Variants in MAD1L1 observed in about 807,000 individuals in gnomAD.
MAD1L1 encodes the protein mitotic arrest deficient 1 like 1, also known as mitotic spindle assembly checkpoint protein MAD1.
Under a neutral mutation model 96.9 loss-of-function variants are expected in MAD1L1, and 95 were observed. The ratio of observed to expected loss-of-function variants is 0.98; its 90% CI spans 0.83 to 1.16. The LOEUF (loss-of-function observed/expected upper bound fraction) is 1.16. Ranked by LOEUF, MAD1L1 falls within the 50% of genes most tolerant of loss-of-function variation. MAD1L1 has a pLI of 0.00. For missense variants in MAD1L1, 1,007 were observed against 954.4 expected, an observed-to-expected ratio of 1.06 and a Z score of -0.73; for synonymous variants, 473 against 396.6, an observed-to-expected ratio of 1.19 and a Z score of -2.29.
chr7:2,172,701 C>T lies in MAD1L1; in HGVS notation c.987-23463G>A, dbSNP rs151153068. ...CCTGATGGGCCCTCGCACGGGTCTC[C>T]GTGGGACAGAGGTAAGGGATAGAGG... On this transcript the variant is annotated intron_variant, in intron 10 of 18. Coordinates refer to ENST00000265854, the MANE Select transcript of MAD1L1 (RefSeq NM_001013836.2). Among the ~76,000 whole-genome samples, 13 of 152,354 alleles carry T rather than the reference C, an allele frequency of 8.5e-5. No homozygotes were observed. The East Asian group carries it at 2.1e-3, about 25-fold the overall frequency.
intron 11 of MAD1L1, among the ~76,000 whole-genome samples, chr7:2,094,524 A>G (rs1245426383): frequency 6.6e-6 from 1 of 152,242 alleles, no homozygotes; most frequent in Non-Finnish European, 1.5e-5. Flanking sequence ...GATGTTTCAC[A>G]GGTGGGCAGG....
intron 14 of MAD1L1, 153 bp from the exon 15 acceptor site, chr7:1,980,694 GC>G: frequency 1.4e-6 from 1 of 717,756 alleles, no homozygotes; most frequent in Non-Finnish European, 2.6e-6. Flanking sequence ...GCCTGAAGCT[GC>G]CAGGCCAGAC....
At chr7:2,059,863 G>C (rs558025526) in intron 12 of MAD1L1, among the ~76,000 whole-genome samples, 1 of 152,238 alleles carries the variant, frequency 6.6e-6, no homozygotes, top group African/African-American at 2.4e-5. Context: ...ATACATAGAA[G>C]ATCAAAGTCC....
At chr7:1,906,392 G>GC (rs1224957984) in intron 17 of MAD1L1, among the ~76,000 whole-genome samples, 1 of 152,212 alleles carries the variant, frequency 6.6e-6, no homozygotes, top group Non-Finnish European at 1.5e-5. Flanking sequence ...CCTGCTGGGT[G>GC]CCCCGGCCTG....
intron 11 of MAD1L1, among the ~76,000 whole-genome samples, chr7:2,078,277 A>C (rs3778945): frequency 0.68 from 104,088 of 152,078 alleles, 35,785 homozygotes; most frequent in South Asian, 0.77. Flanking sequence ...CCCCACGTCA[A>C]CCCACTATCC....
intron 12 of MAD1L1, among the ~76,000 whole-genome samples, chr7:2,046,492 C>G (rs898484486): frequency 7.0e-6 from 1 of 141,890 alleles, no homozygotes; most frequent in Admixed American, 7.1e-5. Context: ...TCACTTAAAA[C>G]TTCTAGTCTA....
At chr7:2,063,743 C>T (rs886371705) in intron 12 of MAD1L1, among the ~76,000 whole-genome samples, 4 of 152,244 alleles carry the variant, frequency 2.6e-5, no homozygotes, top group Non-Finnish European at 4.4e-5. Flanking sequence ...CCCGTGGGCA[C>T]CACACCCGCC....
chr7:2,179,679 C>G (rs981656963), intron 10 of MAD1L1, among the ~76,000 whole-genome samples: 1 of 150,568 alleles, frequency 6.6e-6, no homozygotes, highest in African/African-American at 2.4e-5. Flanking sequence ...AATTAAAAGT[C>G]CTGTCTTAGG....
chr7:1,993,017 G>C (rs1781416444), intron 14 of MAD1L1, among the ~76,000 whole-genome samples: 1 of 152,214 alleles, frequency 6.6e-6, no homozygotes, highest in Non-Finnish European at 1.5e-5. Context: ...CCCCTATACA[G>C]AATTACTCCC....
At chr7:2,020,193 C>T (rs900583919) in intron 12 of MAD1L1, among the ~76,000 whole-genome samples, 7 of 152,120 alleles carry the variant, frequency 4.6e-5, no homozygotes, top group Non-Finnish European at 7.4e-5. Context: ...GCGCCCAGCC[C>T]GGGGAGGCAG....
At chr7:2,022,156 G>A (rs1782816008) in intron 12 of MAD1L1, among the ~76,000 whole-genome samples, 2 of 152,116 alleles carry the variant, frequency 1.3e-5, no homozygotes, top group African/African-American at 4.8e-5. Flanking sequence ...ATGGACGATT[G>A]TTTGAAGTAT....
intron 12 of MAD1L1, among the ~76,000 whole-genome samples, chr7:2,067,586 G>A (rs562466757): frequency 4.9e-4 from 65 of 133,012 alleles, no homozygotes; most frequent in African/African-American, 2.5e-3. Context: ...CTGAACCCCC[G>A]CAGTGGTCAG....
intron 18 of MAD1L1, among the ~76,000 whole-genome samples, chr7:1,842,598 G>A (rs1226714192): frequency 1.3e-5 from 2 of 152,272 alleles, no homozygotes; most frequent in African/African-American, 4.8e-5. Flanking sequence ...GAGCCCCGGC[G>A]AGGGACAGAC....
At chr7:2,199,273 G>A (rs1435639178) in intron 10 of MAD1L1, among the ~76,000 whole-genome samples, 2 of 152,242 alleles carry the variant, frequency 1.3e-5, no homozygotes, top group African/African-American at 4.8e-5. Context: ...TTAAATGTTG[G>A]CATATGGACT....
At chr7:2,042,051 A>G (rs551516691) in intron 12 of MAD1L1, among the ~76,000 whole-genome samples, 1 of 152,044 alleles carries the variant, frequency 6.6e-6, no homozygotes, top group Non-Finnish European at 1.5e-5. Context: ...ACATGCACAC[A>G]GACACACAGA....
At chr7:1,860,589 G>A (rs575989919) in intron 18 of MAD1L1, among the ~76,000 whole-genome samples, 2 of 152,300 alleles carry the variant, frequency 1.3e-5, no homozygotes, top group Admixed American at 1.3e-4. Flanking sequence ...CTTCCCCAGT[G>A]AAGGTCTGGA....
At chr7:1,896,120 T>G (rs1786853510) in intron 18 of MAD1L1, among the ~76,000 whole-genome samples, 1 of 152,196 alleles carries the variant, frequency 6.6e-6, no homozygotes, top group Non-Finnish European at 1.5e-5. Context: ...CTGGGCTCTC[T>G]GTCCGCCTGC....
chr7:2,152,855 A>G (rs1789647108), intron 10 of MAD1L1, among the ~76,000 whole-genome samples: 1 of 152,206 alleles, frequency 6.6e-6, no homozygotes, highest in African/African-American at 2.4e-5. Context: ...TCACACTGGC[A>G]TTGGGAGGCC....
At chr7:1,941,198 A>G (rs890233619) in intron 16 of MAD1L1, among the ~76,000 whole-genome samples, 1 of 152,218 alleles carries the variant, frequency 6.6e-6, no homozygotes, top group African/African-American at 2.4e-5. Flanking sequence ...TGGACCCAGC[A>G]GTGCCTGAGG....
Sources: allele counts gnomAD v4.1 joint callset (sites outside exome capture counted in the v4.1 genomes callset), GRCh38; gene constraint gnomAD v4.1.1; transcripts MANE v1.5; gene names NCBI Gene and HGNC (gene_info 2026-07-23, HGNC 2026-07-21).